Variants in ROBO2 observed in about 807,000 individuals in gnomAD.
ROBO2 encodes roundabout homolog 2.
A neutral mutation model predicts 160.8 loss-of-function variants in ROBO2; 53 were observed. The ratio of observed to expected loss-of-function variants is 0.33; its 90% CI spans 0.26 to 0.41. ROBO2 has a LOEUF of 0.41. ROBO2 is among the 10% of genes least tolerant of loss of function. ROBO2 has a pLI of 1.00. For synonymous variants in ROBO2, 664 were observed against 611.7 expected (o/e 1.09, Z -1.26); for missense variants, 1,577 against 1,722.4 (o/e 0.92, Z 1.49).
chr3:76,993,545 C>T (rs763587234), intron 2 of ROBO2, among the ~76,000 whole-genome samples: 1 of 152,030 alleles, frequency 6.6e-6, no homozygotes, highest in Non-Finnish European at 1.5e-5. Flanking sequence ...TTTAAAAAAA[C>T]AAATGCAGGT....
chr3:77,158,465 A>G (rs988260079), intron 2 of ROBO2, among the ~76,000 whole-genome samples: 2 of 152,106 alleles, frequency 1.3e-5, no homozygotes, highest in African/African-American at 4.8e-5. Flanking sequence ...CAGGAAGGAG[A>G]CAGTTGAATT....
At chr3:76,187,379 A>G (rs1363423335) in intron 2 of ROBO2, among the ~76,000 whole-genome samples, 1 of 152,066 alleles carries the variant, frequency 6.6e-6, no homozygotes, top group East Asian at 1.9e-4. Context: ...GGCTCAAGGA[A>G]TCTTCCTATC....
intron 2 of ROBO2, among the ~76,000 whole-genome samples, chr3:76,365,450 C>A (rs2075760984): frequency 2.6e-5 from 4 of 152,010 alleles, no homozygotes; most frequent in Admixed American, 6.6e-5. Flanking sequence ...ACATCACATG[C>A]TTTTCGCTAT....
intron 2 of ROBO2, among the ~76,000 whole-genome samples, chr3:77,385,553 T>A (rs1312742129): frequency 6.6e-6 from 1 of 152,192 alleles, no homozygotes; most frequent in Non-Finnish European, 1.5e-5. Context: ...TAACAATGAT[T>A]CAAAGCTTGG....
At position 77,439,863 on chromosome 3, in the gene ROBO2, A is replaced by G. The variant is rs78036072; in HGVS notation, c.389-37551A>G. Among the ~76,000 whole-genome samples, 511 of 152,224 alleles carry G rather than the reference A, an allele frequency of 3.4e-3. 17 individuals are homozygous for G. In the East Asian group the frequency reaches 0.069, roughly 21 times the overall value. On this transcript the variant is annotated intron_variant, in intron 2 of 25. Transcript: ENST00000461745. ...AACGTGTTTTAGCTCTCTTCCAGAC[A>G]CCTCATACATATCATACCTCATCTC...
In ROBO2 at chr3:76,453,586, A is replaced by G. The variant is rs971834571; in HGVS notation, c.109+515984A>G. On this transcript the variant is annotated intron_variant, in intron 2 of 26. Coordinates refer to the ROBO2 transcript ENST00000487694. ...GCTGTTTTGGTTACTGTAGCCTTGTAGTATAGTTTGAAGTCAGGTAGCGTG... is the reference window on the plus strand; with the variant it reads ...GCTGTTTTGGTTACTGTAGCCTTGTGGTATAGTTTGAAGTCAGGTAGCGTG... Among the ~76,000 whole-genome samples the G allele has an allele frequency of 4.6e-5, 7 of 152,130 alleles. No homozygotes were observed. In the East Asian group the frequency reaches 1.3e-3, roughly 29 times the overall value.
At chr3:77,392,675 G>T (rs116291712) in intron 2 of ROBO2, among the ~76,000 whole-genome samples, 1 of 151,966 alleles carries the variant, frequency 6.6e-6, no homozygotes, top group Non-Finnish European at 1.5e-5. Flanking sequence ...CCAGTTGTTC[G>T]AACATGAGTC....
In ROBO2 at chr3:76,734,155, C is replaced by T. The variant is rs73844011; in HGVS notation, c.110-363859C>T. 1.2e-3 allele frequency among the ~76,000 whole-genome samples: 180 copies of T among 152,162 alleles called. 1 individual carries two copies. The highest frequency in any genetic ancestry group is 4.0e-3 in the African/African-American group (164 of 41,510). ...CGAACATGGGGGCGGGGGACAAAAA[C>T]GTCTAGCCCATAATACCCACATTTT... is the stretch of plus-strand genomic sequence containing the variant. On this transcript the variant is annotated intron_variant, in intron 2 of 26. Transcript: ENST00000487694.
chr3:77,334,403 A>C (rs146951737), intron 2 of ROBO2, among the ~76,000 whole-genome samples: 56 of 152,322 alleles, frequency 3.7e-4, no homozygotes, highest in African/African-American at 1.3e-3. Context: ...TTCCTCATAC[A>C]ATCCAATCCA....
At chr3:76,468,744 C>G (rs528226937) in intron 2 of ROBO2, among the ~76,000 whole-genome samples, 1 of 152,196 alleles carries the variant, frequency 6.6e-6, no homozygotes, top group East Asian at 1.9e-4. Flanking sequence ...CATGTCCTCT[C>G]TCTTCAGGAT....
rs3065704 is a variant in ROBO2 at position 76,436,159 on chromosome 3, A to AACACACAC, written c.109+498572_109+498579dup. On this transcript the variant is annotated intron_variant, in intron 2 of 26. Coordinates refer to the ROBO2 transcript ENST00000487694. The stretch of plus-strand genomic sequence containing the variant: ...CCTACAGAGATGACTTTAAAAGGAA[A>AACACACAC]ACACACACACACACACACACACCAT... 2.1e-3 allele frequency among the ~76,000 whole-genome samples: 298 copies of AACACACAC among 140,596 alleles called. 2 individuals carry two copies. The highest frequency in any genetic ancestry group is 0.014 in the South Asian group (60 of 4,306). 92.2% of individuals were successfully genotyped at this position (140,596 alleles called of 152,430 possible).
intron 2 of ROBO2, among the ~76,000 whole-genome samples, chr3:77,391,517 T>C (rs2074729040): frequency 6.6e-6 from 1 of 151,918 alleles, no homozygotes; most frequent in East Asian, 1.9e-4. Flanking sequence ...AGAGAGAGCT[T>C]GTGTAGGGGA....
intron 2 of ROBO2, among the ~76,000 whole-genome samples, chr3:77,421,288 A>G (rs1009399647): frequency 6.6e-6 from 1 of 152,142 alleles, no homozygotes; most frequent in Non-Finnish European, 1.5e-5. Context: ...TTTGTTTTAT[A>G]TGGTTATCCC....
intron 2 of ROBO2, among the ~76,000 whole-genome samples, chr3:76,432,809 G>A (rs1343421722): frequency 6.6e-6 from 1 of 151,936 alleles, no homozygotes; most frequent in Non-Finnish European, 1.5e-5. Context: ...AGGGCATTGG[G>A]GGCTATCTTT....
chr3:76,027,484 T>C (rs558057085), intron 2 of ROBO2, among the ~76,000 whole-genome samples: 44 of 151,864 alleles, frequency 2.9e-4, no homozygotes, highest in African/African-American at 1.0e-3. Flanking sequence ...TGACCCTCTT[T>C]CCTAAAGAGC....
chr3:77,329,135 G>T (rs924690690), intron 2 of ROBO2, among the ~76,000 whole-genome samples: 1 of 152,196 alleles, frequency 6.6e-6, no homozygotes, highest in Admixed American at 6.5e-5. Flanking sequence ...ATAGTCCAGT[G>T]TTGATATCGA....
At chr3:75,929,435 A>G (rs1227621291) in intron 1 of ROBO2, among the ~76,000 whole-genome samples, 2 of 152,216 alleles carry the variant, frequency 1.3e-5, no homozygotes, top group Non-Finnish European at 2.9e-5. Context: ...CTTTGTAATT[A>G]TCTTAAAACA....
At chr3:77,406,681 T>C (rs1249982777) in intron 2 of ROBO2, among the ~76,000 whole-genome samples, 1 of 152,166 alleles carries the variant, frequency 6.6e-6, no homozygotes, top group Non-Finnish European at 1.5e-5. Flanking sequence ...AGTAAAAATA[T>C]GACTGCAGGT....
intron 2 of ROBO2, among the ~76,000 whole-genome samples, chr3:77,295,500 C>T (rs1029842766): frequency 7.4e-5 from 10 of 135,334 alleles, no homozygotes; most frequent in African/African-American, 1.1e-4. Context: ...TAGATCACCC[C>T]AGACATAAAG....
Sources: allele counts gnomAD v4.1 joint callset (sites outside exome capture counted in the v4.1 genomes callset), GRCh38; gene constraint gnomAD v4.1.1; transcripts MANE v1.5; gene names NCBI Gene and HGNC (gene_info 2026-07-23, HGNC 2026-07-21).